The following GRIA2 variants were observed in gnomAD, a reference collection of about 807,000 sequenced individuals.
The protein encoded by GRIA2 is glutamate receptor 2.
A neutral mutation model predicts 97.3 loss-of-function variants in GRIA2; 14 were observed. The observed-to-expected ratio is 0.14, with a 90% CI of 0.10 to 0.23. The LOEUF is 0.23. GRIA2 is among the 10% of genes least tolerant of loss of function. The pLI is 1.00. For missense variants in GRIA2, 558 were observed against 1,069.8 expected, an observed-to-expected ratio of 0.52 and a Z score of 6.67; for synonymous variants, 412 against 387.8, an observed-to-expected ratio of 1.06 and a Z score of -0.73.
intron 12 of GRIA2, among the ~76,000 whole-genome samples, chr4:157,342,975 A>T (rs1735610839): frequency 6.6e-6 from 1 of 152,106 alleles, no homozygotes; most frequent in Non-Finnish European, 1.5e-5. Context: ...TCAATCATAG[A>T]AACACGTGTC....
At chr4:157,265,939 A>T (rs574677300) in intron 2 of GRIA2, among the ~76,000 whole-genome samples, 1 of 152,252 alleles carries the variant, frequency 6.6e-6, no homozygotes, top group South Asian at 2.1e-4. Flanking sequence ...TTAGACTAGA[A>T]AGGTAGGTAG....
At chr4:157,237,780 T>A (rs751526177) in intron 2 of GRIA2, among the ~76,000 whole-genome samples, 2 of 152,142 alleles carry the variant, frequency 1.3e-5, no homozygotes, top group Non-Finnish European at 2.9e-5. Flanking sequence ...TAAAAGAGGA[T>A]GTCAGATTTT....
chr4:157,269,330 A>G (rs1731912260), intron 2 of GRIA2, among the ~76,000 whole-genome samples: 2 of 152,248 alleles, frequency 1.3e-5, no homozygotes, highest in East Asian at 1.9e-4. Flanking sequence ...GATAGAAATT[A>G]TCATAGTTGT....
chr4:157,300,896 A>G (rs1347493874), intron 2 of GRIA2, among the ~76,000 whole-genome samples: 8 of 152,126 alleles, frequency 5.3e-5, no homozygotes, highest in Non-Finnish European at 1.0e-4. Flanking sequence ...CCTAAAACAA[A>G]TCGAAAATGA....
intron 2 of GRIA2, among the ~76,000 whole-genome samples, chr4:157,232,978 A>G (rs1199676383): frequency 6.6e-6 from 1 of 152,340 alleles, no homozygotes; most frequent in East Asian, 1.9e-4. Flanking sequence ...GTCATAAAAC[A>G]CTATGAGCTG....
intron 6 of GRIA2, among the ~76,000 whole-genome samples, chr4:157,327,448 A>C (rs1043019320): frequency 6.6e-6 from 1 of 152,126 alleles, no homozygotes; most frequent in Non-Finnish European, 1.5e-5. Context: ...CCATCATAGC[A>C]CCAGGATTTA....
intron 2 of GRIA2, among the ~76,000 whole-genome samples, chr4:157,244,155 CA>C: frequency 6.6e-6 from 1 of 151,898 alleles, no homozygotes; most frequent in East Asian, 1.9e-4. Flanking sequence ...GAACTAAATA[CA>C]AAGGGCCTGA....
intron 12 of GRIA2, among the ~76,000 whole-genome samples, chr4:157,355,894 TATATATAA>T (rs1485331610): frequency 1.6e-3 from 6 of 3,686 alleles, no homozygotes; most frequent in East Asian, 0.5. Flanking sequence ...TTAATATATT[TATATATAA>T]ATATATATAT....
chr4:157,230,793 G>A (rs1034160261), intron 2 of GRIA2, among the ~76,000 whole-genome samples: 2 of 151,946 alleles, frequency 1.3e-5, no homozygotes, highest in African/African-American at 4.8e-5. Flanking sequence ...TATTTCTAGA[G>A]GGAGACATGA....
intron 2 of GRIA2, among the ~76,000 whole-genome samples, chr4:157,271,378 C>A (rs1379148723): frequency 6.6e-6 from 1 of 152,004 alleles, no homozygotes; most frequent in Non-Finnish European, 1.5e-5. Context: ...GTTGTTTTAG[C>A]TGTGCTTTGG....
intron 12 of GRIA2, among the ~76,000 whole-genome samples, chr4:157,359,135 CTT>C (rs986009178): frequency 6.6e-6 from 1 of 152,118 alleles, no homozygotes; most frequent in Non-Finnish European, 1.5e-5. Context: ...TTCAATGACT[CTT>C]TTGATGTGTA....
chr4:157,283,273 G>T (rs1732691219), intron 2 of GRIA2, among the ~76,000 whole-genome samples: 1 of 151,880 alleles, frequency 6.6e-6, no homozygotes, highest in South Asian at 2.1e-4. Flanking sequence ...GTTTGAGATT[G>T]TCGGACTTTG....
At position 157,364,147 on chromosome 4, in the gene GRIA2, G is replaced by A. The variant is rs1382096484; in HGVS notation, c.*716G>A. 5.3e-5 allele frequency: 8 copies of A among 152,378 alleles called. No homozygotes were observed. Among genetic ancestry groups the A allele is most frequent in the African/African-American group, 2.4e-5 (1 of 41,412 alleles). The allele number at this position is 152,378 out of a possible 1,614,324, so 9.4% of individuals were successfully genotyped here. On this transcript the variant is annotated 3_prime_UTR_variant, in exon 16 of 16. Coordinates refer to ENST00000264426, the MANE Select transcript of GRIA2 (RefSeq NM_001083619.3). ...GCCAAATATGTAAATGCTAAGGAAAGTAAACAAAGAGGAGATTCCAATCTT... is the reference window on the plus strand; with the variant it reads ...GCCAAATATGTAAATGCTAAGGAAAATAAACAAAGAGGAGATTCCAATCTT...
intron 6 of GRIA2, among the ~76,000 whole-genome samples, chr4:157,321,900 C>CT (rs1018872703): frequency 6.6e-6 from 1 of 151,926 alleles, no homozygotes; most frequent in African/African-American, 2.4e-5. Flanking sequence ...GAGCCAGACA[C>CT]TTTTTTGGCA....
intron 11 of GRIA2, among the ~76,000 whole-genome samples, chr4:157,338,906 C>T (rs978306185): frequency 6.6e-6 from 1 of 151,868 alleles, no homozygotes; most frequent in African/African-American, 2.4e-5. Context: ...AGCTTATTAT[C>T]ATTTTTAAAA....
rs4342231 is a variant in GRIA2, at chr4:157,317,490, A to T, written c.667-168A>T. ...TATTATTACTTTTTATGAGAGAAAT[A>T]TTATCTAATTTTGATAATTATATTT... On this transcript the variant is annotated intron_variant, in intron 4 of 15. Transcript: ENST00000264426. Among the ~76,000 whole-genome samples the T allele has an allele frequency of 4.7e-3, 718 of 152,256 alleles. 6 individuals carry two copies. Among genetic ancestry groups the T allele is most frequent in the African/African-American group, 0.016 (671 of 41,574 alleles).
At chr4:157,346,729 A>T (rs1320807047) in intron 12 of GRIA2, among the ~76,000 whole-genome samples, 1 of 152,180 alleles carries the variant, frequency 6.6e-6, no homozygotes, top group Non-Finnish European at 1.5e-5. Flanking sequence ...TCACTCATGC[A>T]TGGTTAGTCA....
intron 12 of GRIA2, among the ~76,000 whole-genome samples, chr4:157,348,491 G>A (rs748344602): frequency 2.0e-5 from 3 of 151,826 alleles, no homozygotes; most frequent in Non-Finnish European, 2.9e-5. Context: ...CTCCCACCCC[G>A]GCCTCCCAGA....
At chr4:157,315,715 A>G (rs1216308842) in intron 4 of GRIA2, among the ~76,000 whole-genome samples, 1 of 151,694 alleles carries the variant, frequency 6.6e-6, no homozygotes, top group African/African-American at 2.4e-5. Context: ...AATTTTTGTA[A>G]TTTTTAGTAG....
Sources: gnomAD v4.1 joint callset for allele counts (sites outside exome capture counted in the v4.1 genomes callset) on GRCh38, gnomAD v4.1.1 for gene constraint, MANE v1.5 for transcripts, NCBI Gene and HGNC (gene_info 2026-07-23, HGNC 2026-07-21) for gene names.